ULK4: variants seen among roughly 807,000 people sequenced by gnomAD.
ULK4 encodes the protein unc-51 like kinase 4.
A neutral mutation model predicts 160.6 loss-of-function variants in ULK4; 133 were observed. The ratio of observed to expected loss-of-function variants is 0.83; its 90% CI spans 0.72 to 0.96. The LOEUF (loss-of-function observed/expected upper bound fraction) is 0.96, where lower values mean the gene tolerates loss of function less well. ULK4 is among the 40% of genes least tolerant of loss of function. The pLI, the probability that ULK4 is intolerant of heterozygous loss-of-function variation, is 0.00. For missense variants in ULK4, 1,580 were observed against 1,499.5 expected (o/e 1.05, Z -0.89); for synonymous variants, 534 against 539.8 (o/e 0.99, Z 0.15).
At chr3:41,283,062 T>C (rs1293283210) in intron 35 of ULK4, among the ~76,000 whole-genome samples, 1 of 151,498 alleles carries the variant, frequency 6.6e-6, no homozygotes, top group Non-Finnish European at 1.5e-5. Flanking sequence ...CCATCACTGG[T>C]CATCAGAGAA....
chr3:41,564,853 A>G (rs1301726212), intron 32 of ULK4, among the ~76,000 whole-genome samples: 1 of 152,002 alleles, frequency 6.6e-6, no homozygotes, highest in African/African-American at 2.4e-5. Context: ...AGGCCTTCAC[A>G]TTCACTCCCC....
At chr3:41,666,231 A>T (rs925460377) in intron 29 of ULK4, among the ~76,000 whole-genome samples, 2 of 152,220 alleles carry the variant, frequency 1.3e-5, no homozygotes, top group African/African-American at 4.8e-5. Context: ...CCAGAGGTCA[A>T]GCTGATGTGT....
chr3:41,349,644 T>A (rs2080871118), intron 35 of ULK4, among the ~76,000 whole-genome samples: 1 of 152,188 alleles, frequency 6.6e-6, no homozygotes. Context: ...CCTGTAGAAC[T>A]GAACTCTAGA....
intron 35 of ULK4, among the ~76,000 whole-genome samples, chr3:41,347,042 CCT>C (rs2080814112): frequency 6.6e-6 from 1 of 151,324 alleles, no homozygotes; most frequent in Non-Finnish European, 1.5e-5. Flanking sequence ...TGGAATCCCC[CCT>C]TTTTAGACAT....
At chr3:41,806,033 T>C (rs2125612977) in intron 19 of ULK4, among the ~76,000 whole-genome samples, 2 of 144,708 alleles carry the variant, frequency 1.4e-5, no homozygotes, top group East Asian at 3.9e-4. Flanking sequence ...CTTTTTCTAT[T>C]GATTGGAATA....
At chr3:41,937,428 A>G in intron 3 of ULK4, 1 of 628,758 alleles carries the variant, frequency 1.6e-6, no homozygotes, top group Non-Finnish European at 2.8e-6. Flanking sequence ...AATATAAGTT[A>G]GATGCATAAA....
chr3:41,591,302 C>A (rs2031284650), intron 31 of ULK4, among the ~76,000 whole-genome samples: 1 of 152,072 alleles, frequency 6.6e-6, no homozygotes, highest in African/African-American at 2.4e-5. Context: ...GGAAAGAATT[C>A]TTTACCAGTA....
intron 18 of ULK4, among the ~76,000 whole-genome samples, chr3:41,828,582 T>G (rs941053501): frequency 7.3e-6 from 1 of 137,284 alleles, no homozygotes; most frequent in Non-Finnish European, 1.5e-5. Flanking sequence ...GGAATCCAAC[T>G]TACAAGGGAT....
chr3:41,689,625 G>A (rs2036215840), intron 27 of ULK4, among the ~76,000 whole-genome samples: 1 of 152,148 alleles, frequency 6.6e-6, no homozygotes, highest in Admixed American at 6.5e-5. Context: ...CAAAAAGTGG[G>A]CAAAGGACAT....
intron 17 of ULK4, among the ~76,000 whole-genome samples, chr3:41,836,739 T>C (rs1427770999): frequency 6.6e-6 from 1 of 152,230 alleles, no homozygotes; most frequent in Non-Finnish European, 1.5e-5. Context: ...GAGAATGTTA[T>C]ACTAAAGTTG....
intron 35 of ULK4, among the ~76,000 whole-genome samples, chr3:41,278,789 T>C (rs374988268): frequency 3.3e-5 from 5 of 152,114 alleles, no homozygotes; most frequent in African/African-American, 9.6e-5. Context: ...ATCCCACCCA[T>C]AGGTCACCAA....
chr3:41,702,226 C>T (rs1336413813), intron 27 of ULK4, among the ~76,000 whole-genome samples: 1 of 152,056 alleles, frequency 6.6e-6, no homozygotes, highest in Non-Finnish European at 1.5e-5. Flanking sequence ...GTGGCTTGAA[C>T]CTCCACCTCC....
intron 18 of ULK4, among the ~76,000 whole-genome samples, chr3:41,828,761 C>T (rs955551833): frequency 1.8e-4 from 28 of 152,072 alleles, no homozygotes; most frequent in Admixed American, 9.2e-4. Context: ...CATCAAGCTA[C>T]CAATGACTTT....
intron 27 of ULK4, among the ~76,000 whole-genome samples, chr3:41,686,852 A>C (rs541070641): frequency 1.3e-5 from 2 of 152,202 alleles, no homozygotes; most frequent in Admixed American, 1.3e-4. Context: ...TTTTAAAAAA[A>C]TATTTTTATA....
intron 30 of ULK4, among the ~76,000 whole-genome samples, chr3:41,634,545 GA>G (rs377151702): frequency 2.0e-4 from 30 of 152,200 alleles, no homozygotes; most frequent in African/African-American, 7.0e-4. Context: ...ATATGTAAGA[GA>G]ATAGCGTGTG....
intron 16 of ULK4, among the ~76,000 whole-genome samples, chr3:41,893,314 A>C (rs1559633590): frequency 6.6e-6 from 1 of 152,238 alleles, no homozygotes; most frequent in Non-Finnish European, 1.5e-5. Context: ...TTTACAATTA[A>C]CAAATTTTTT....
chr3:41,479,217 T>C (rs900021019), intron 32 of ULK4, among the ~76,000 whole-genome samples: 1 of 152,208 alleles, frequency 6.6e-6, no homozygotes, highest in Non-Finnish European at 1.5e-5. Flanking sequence ...TTCTCCTTTT[T>C]CCTCCCCTGT....
intron 30 of ULK4, among the ~76,000 whole-genome samples, chr3:41,644,183 T>C (rs1487812230): frequency 6.6e-6 from 1 of 152,130 alleles, no homozygotes; most frequent in Admixed American, 6.6e-5. Flanking sequence ...ATACCCTTTA[T>C]TTCCTTCTCC....
At chr3:41,948,715 CA>C (rs1700188919) in intron 2 of ULK4, among the ~76,000 whole-genome samples, 1 of 80,894 alleles carries the variant, frequency 1.2e-5, no homozygotes, top group Non-Finnish European at 2.5e-5. Context: ...CAAAATTCAA[CA>C]ACCTTTAAAA....
Sources: allele counts gnomAD v4.1 joint callset (sites outside exome capture counted in the v4.1 genomes callset), GRCh38; gene constraint gnomAD v4.1.1; transcripts MANE v1.5; gene names NCBI Gene and HGNC (gene_info 2026-07-23, HGNC 2026-07-21).